The following LRP1B variants were observed in gnomAD, a reference collection of about 807,000 sequenced individuals.
LRP1B encodes low-density lipoprotein receptor-related protein 1B.
Under a neutral mutation model 556.6 loss-of-function variants are expected in LRP1B, and 217 were observed. The ratio of observed to expected loss-of-function variants is 0.39; its 90% CI spans 0.35 to 0.44. The LOEUF (loss-of-function observed/expected upper bound fraction) is 0.44. LRP1B is among the 20% of genes least tolerant of loss of function. LRP1B has a pLI of 1.00. For missense variants in LRP1B, 5,053 were observed against 5,620.8 expected, an observed-to-expected ratio of 0.90 and a Z score of 3.23; for synonymous variants, 2,047 against 1,865.8, an observed-to-expected ratio of 1.10 and a Z score of -2.50.
At chr2:142,088,501 T>C (rs1706032623) in intron 1 of LRP1B, among the ~76,000 whole-genome samples, 1 of 152,200 alleles carries the variant, frequency 6.6e-6, no homozygotes, top group Non-Finnish European at 1.5e-5. Flanking sequence ...TCATTCATGC[T>C]TAGATTTAGA....
intron 41 of LRP1B, among the ~76,000 whole-genome samples, chr2:140,620,661 T>A (rs562851623): frequency 3.3e-5 from 5 of 151,924 alleles, no homozygotes; most frequent in Non-Finnish European, 7.4e-5. Context: ...AGTGTAAAGA[T>A]CTTCAAAAGA....
intron 3 of LRP1B, among the ~76,000 whole-genome samples, chr2:141,306,499 T>C (rs577228251): frequency 6.6e-6 from 1 of 152,266 alleles, no homozygotes; most frequent in East Asian, 1.9e-4. Flanking sequence ...TATCTGATTT[T>C]GTTAATTTGG....
chr2:142,000,603 TAAAATTAGGGTCTGTGTCCC>T (rs1035936610), intron 1 of LRP1B, among the ~76,000 whole-genome samples: 2 of 152,166 alleles, frequency 1.3e-5, no homozygotes, highest in African/African-American at 4.8e-5. Context: ...AGAAGAGAAT[TAAAATTAGGGTCTGTGTCCC>T]AAACCAGCTC....
At chr2:141,558,137 G>C (rs998331519) in intron 2 of LRP1B, among the ~76,000 whole-genome samples, 1 of 151,790 alleles carries the variant, frequency 6.6e-6, no homozygotes, top group Admixed American at 6.6e-5. Context: ...GAATTGAAGT[G>C]GTTGATTTCT....
chr2:140,983,781 G>A (rs16845077), intron 17 of LRP1B, among the ~76,000 whole-genome samples: 49,863 of 151,700 alleles, frequency 0.33, 8,721 homozygotes, highest in East Asian at 0.58. Context: ...TTGCTTATGT[G>A]ATAAGGTTCC....
At chr2:140,674,300 C>G (rs978180018) in intron 41 of LRP1B, among the ~76,000 whole-genome samples, 1 of 152,102 alleles carries the variant, frequency 6.6e-6, no homozygotes, top group African/African-American at 2.4e-5. Context: ...AATAACATAA[C>G]CAGCTCTTTC....
chr2:140,590,937 A>T (rs552310879), intron 43 of LRP1B, among the ~76,000 whole-genome samples: 23 of 152,348 alleles, frequency 1.5e-4, no homozygotes, highest in African/African-American at 5.5e-4. Flanking sequence ...GTTTTACATG[A>T]TAATTTTTAA....
At position 140,629,439 on chromosome 2, in the gene LRP1B, C is replaced by T. The variant is rs148195267; in HGVS notation, c.6800-27800G>A. Among the ~76,000 whole-genome samples the T allele has an allele frequency of 3.7e-3, 567 of 152,216 alleles. 2 individuals carry two copies. The highest frequency in any genetic ancestry group is 0.013 in the African/African-American group (545 of 41,538). On this transcript the variant is annotated intron_variant, in intron 41 of 90. Transcript: ENST00000389484. ...TATGCCCTGTGATTCAAAAAGTCTA[C>T]TTCTAGGAATTTATACTACAGTATA...
intron 18 of LRP1B, among the ~76,000 whole-genome samples, chr2:140,976,444 A>G (rs1399880802): frequency 6.6e-6 from 1 of 151,504 alleles, no homozygotes; most frequent in African/African-American, 2.4e-5. Flanking sequence ...AGTAATGTTA[A>G]CTTTGCAAAC....
intron 1 of LRP1B, among the ~76,000 whole-genome samples, chr2:142,080,284 A>G (rs933526455): frequency 6.6e-6 from 1 of 152,202 alleles, no homozygotes; most frequent in African/African-American, 2.4e-5. Context: ...TTAAGTGAAT[A>G]GCCTCTTCTG....
chr2:142,121,832 T>C (rs1004946977), intron 1 of LRP1B, among the ~76,000 whole-genome samples: 1 of 152,084 alleles, frequency 6.6e-6, no homozygotes, highest in Admixed American at 6.6e-5. Context: ...CTTTGTCAAA[T>C]GAGTGAATAA....
chr2:141,853,818 A>G (rs1263116220), intron 1 of LRP1B, among the ~76,000 whole-genome samples: 10 of 152,048 alleles, frequency 6.6e-5, no homozygotes, highest in Admixed American at 6.6e-4. Flanking sequence ...TTCTGAGAAA[A>G]GAGTTTGAAA....
chr2:141,212,582 C>T (rs1295450285), intron 6 of LRP1B, among the ~76,000 whole-genome samples: 1 of 151,462 alleles, frequency 6.6e-6, no homozygotes, highest in African/African-American at 2.4e-5. Context: ...CCATGCCGGC[C>T]AAAAAGTCTA....
intron 11 of LRP1B, among the ~76,000 whole-genome samples, chr2:141,031,812 C>A (rs1051318995): frequency 1.3e-5 from 2 of 151,750 alleles, no homozygotes. Context: ...TAAAATAAAA[C>A]AACACCCATT....
intron 1 of LRP1B, among the ~76,000 whole-genome samples, chr2:141,860,785 G>A (rs1023160421): frequency 6.6e-6 from 1 of 152,158 alleles, no homozygotes; most frequent in African/African-American, 2.4e-5. Context: ...CTACAGTAAT[G>A]ACGATTTTCT....
At chr2:140,708,034 T>C (rs1686902034) in intron 37 of LRP1B, among the ~76,000 whole-genome samples, 2 of 152,120 alleles carry the variant, frequency 1.3e-5, no homozygotes, top group African/African-American at 2.4e-5. Flanking sequence ...TATTATGTGC[T>C]AGGAGCTGAT....
chr2:141,914,634 T>C (rs1368393734), intron 1 of LRP1B, among the ~76,000 whole-genome samples: 2 of 152,182 alleles, frequency 1.3e-5, no homozygotes, highest in African/African-American at 4.8e-5. Flanking sequence ...CTCCTGGAAC[T>C]GACAAATGAC....
intron 6 of LRP1B, among the ~76,000 whole-genome samples, chr2:141,212,155 G>C (rs1208299979): frequency 6.9e-6 from 1 of 144,568 alleles, no homozygotes; most frequent in African/African-American, 2.6e-5. Context: ...TCTTCACAGA[G>C]TTTCTTAGGG....
intron 11 of LRP1B, among the ~76,000 whole-genome samples, chr2:141,027,285 C>T (rs915783724): frequency 6.6e-6 from 1 of 152,072 alleles, no homozygotes; most frequent in Non-Finnish European, 1.5e-5. Flanking sequence ...TGATACATGG[C>T]TTAAACTGGA....
Sources: allele counts gnomAD v4.1 joint callset (sites outside exome capture counted in the v4.1 genomes callset), GRCh38; gene constraint gnomAD v4.1.1; transcripts MANE v1.5; gene names NCBI Gene and HGNC (gene_info 2026-07-23, HGNC 2026-07-21).